CCDC141: variants seen among roughly 807,000 people sequenced by gnomAD.
The protein encoded by CCDC141 is coiled-coil domain containing 141.
Under a neutral mutation model 181.0 loss-of-function variants are expected in CCDC141, and 168 were observed. That is an observed-to-expected ratio of 0.93 (90% CI 0.82 to 1.05). The LOEUF is 1.05. Among genes scored for constraint, CCDC141 ranks in the 50% least tolerant of loss-of-function variants. The pLI is 0.00. For synonymous variants in CCDC141, 666 were observed against 642.3 expected, an observed-to-expected ratio of 1.04 and a Z score of -0.56; for missense variants, 1,902 against 1,788.5, an observed-to-expected ratio of 1.06 and a Z score of -1.14.
At chr2:178,845,551 T>G in intron 22 of CCDC141, 75 bp downstream of exon 22, 1 of 811,760 alleles carries the variant, frequency 1.2e-6, no homozygotes, top group Non-Finnish European at 2.1e-6. Flanking sequence ...CAATTCACTT[T>G]TATTTTGCAA....
chr2:178,924,574 T>C (rs1688841119), intron 6 of CCDC141, among the ~76,000 whole-genome samples: 1 of 152,202 alleles, frequency 6.6e-6, no homozygotes. Context: ...TCAAGTTGGA[T>C]TATAAATTGG....
the CCDC141 span, among the ~76,000 whole-genome samples, chr2:178,820,899 AT>A: frequency 5.9e-5 from 9 of 152,144 alleles, no homozygotes; most frequent in Non-Finnish European, 5.9e-5. Flanking sequence ...AAGGGTATCT[AT>A]CTATGAAGTT....
intron 5 of CCDC141, among the ~76,000 whole-genome samples, chr2:178,955,391 C>T (rs1273100677): frequency 6.6e-6 from 1 of 151,990 alleles, no homozygotes; most frequent in Non-Finnish European, 1.5e-5. Context: ...AAAATGATTC[C>T]TTGTTCATAT....
chr2:179,015,067 G>GAGATATATATAT (rs1452838868), intron 2 of CCDC141, among the ~76,000 whole-genome samples: 1 of 39,600 alleles, frequency 2.5e-5, no homozygotes, highest in Non-Finnish European at 6.6e-5. Flanking sequence ...GAGAGACAGA[G>GAGATATATATAT]ATATATATAT....
At chr2:178,957,627 T>C (rs1690216794) in intron 5 of CCDC141, among the ~76,000 whole-genome samples, 1 of 152,272 alleles carries the variant, frequency 6.6e-6, no homozygotes, top group Non-Finnish European at 1.5e-5. Context: ...TGGATGCCCA[T>C]AACAGCTTTA....
intron 2 of CCDC141, among the ~76,000 whole-genome samples, chr2:179,010,798 T>C (rs1056931846): frequency 4.6e-5 from 7 of 152,090 alleles, no homozygotes; most frequent in Non-Finnish European, 5.9e-5. Flanking sequence ...AAGAGCACAA[T>C]GAATGCAACA....
chr2:178,880,483 C>G (rs1408070756), intron 11 of CCDC141, among the ~76,000 whole-genome samples: 1 of 152,088 alleles, frequency 6.6e-6, no homozygotes, highest in Admixed American at 6.5e-5. Context: ...GAGATGATGA[C>G]AGCCTGAACC....
intron 7 of CCDC141, 36 bp from the exon 8 acceptor site, chr2:178,905,537 C>G: frequency 6.6e-7 from 1 of 1,522,710 alleles, no homozygotes. Flanking sequence ...TTCTGCTTCT[C>G]TAGTTTAAAA....
chr2:178,996,266 C>T (rs144031627), intron 2 of CCDC141, among the ~76,000 whole-genome samples: 3,264 of 151,878 alleles, frequency 0.021, 125 homozygotes, highest in African/African-American at 0.074. Flanking sequence ...TTAGTAGAGA[C>T]GGGGTTTTGG....
At chr2:178,957,301 A>G (rs947470126) in intron 5 of CCDC141, among the ~76,000 whole-genome samples, 9 of 152,340 alleles carry the variant, frequency 5.9e-5, no homozygotes, top group Admixed American at 5.9e-4. Context: ...TTTAATCCTT[A>G]TAGCAACTCT....
chr2:178,975,938 AC>A (rs1691100621), intron 3 of CCDC141, among the ~76,000 whole-genome samples: 1 of 152,192 alleles, frequency 6.6e-6, no homozygotes, highest in African/African-American at 2.4e-5. Context: ...AGCAAGAATG[AC>A]AAGTGAGAAA....
chr2:179,008,084 C>T (rs1022772082), intron 2 of CCDC141, among the ~76,000 whole-genome samples: 1 of 152,078 alleles, frequency 6.6e-6, no homozygotes, highest in Admixed American at 6.6e-5. Flanking sequence ...TGACTGAGCC[C>T]TAATTTTAAA....
At chr2:178,856,226 C>T (rs369527417) in intron 18 of CCDC141, 31 bp downstream of exon 18, 77 of 1,560,862 alleles carry the variant, frequency 4.9e-5, no homozygotes, top group Middle Eastern at 3.5e-4. Context: ...CATACACATG[C>T]GCACATATAC....
intron 6 of CCDC141, among the ~76,000 whole-genome samples, chr2:178,939,313 G>C: frequency 6.6e-6 from 1 of 152,168 alleles, no homozygotes; most frequent in Non-Finnish European, 1.5e-5. Context: ...TTTCTGTAAA[G>C]TGAAAAGTAA....
intron 2 of CCDC141, among the ~76,000 whole-genome samples, chr2:179,022,751 G>C (rs1490614081): frequency 6.6e-6 from 1 of 152,080 alleles, no homozygotes; most frequent in Middle Eastern, 3.2e-3. Context: ...ATATATTTCT[G>C]GAGGCCAAGA....
chr2:179,048,336 T>C (rs535486546), intron 1 of CCDC141, among the ~76,000 whole-genome samples: 1 of 152,314 alleles, frequency 6.6e-6, no homozygotes, highest in East Asian at 1.9e-4. Context: ...GGGTGTATTT[T>C]GTATGGAGAT....
chr2:178,906,140 G>A (rs887381261), intron 7 of CCDC141, among the ~76,000 whole-genome samples: 8 of 152,180 alleles, frequency 5.3e-5, no homozygotes, highest in Non-Finnish European at 1.2e-4. Context: ...GCAGAAATAG[G>A]ATTATGCATA....
At chr2:179,037,400 T>C (rs888474499) in intron 2 of CCDC141, among the ~76,000 whole-genome samples, 1 of 152,222 alleles carries the variant, frequency 6.6e-6, no homozygotes, top group African/African-American at 2.4e-5. Context: ...ACATAGGTAA[T>C]GTGAAACAGG....
intron 4 of CCDC141, among the ~76,000 whole-genome samples, chr2:178,966,986 C>A (rs1359789062): frequency 6.6e-6 from 1 of 151,350 alleles, no homozygotes; most frequent in East Asian, 1.9e-4. Flanking sequence ...ATCGACCAAG[C>A]AGAAGAAAGG....
Sources: allele counts gnomAD v4.1 joint callset (sites outside exome capture counted in the v4.1 genomes callset), GRCh38; gene constraint gnomAD v4.1.1; transcripts MANE v1.5; gene names NCBI Gene and HGNC (gene_info 2026-07-23, HGNC 2026-07-21).